The following MAPK10 variants were observed in gnomAD, a reference collection of about 807,000 sequenced individuals.
The protein encoded by MAPK10 is JNK3 alpha protein kinase.
MAPK10 carries 25 observed loss-of-function variants against 59.3 expected under a neutral mutation model. The observed-to-expected ratio is 0.42, with a 90% CI of 0.31 to 0.59. MAPK10 has a LOEUF of 0.59. Ranked by LOEUF, MAPK10 falls within the 20% of genes least tolerant of loss-of-function variation. The pLI is 0.15. For missense variants in MAPK10, 351 were observed against 568.9 expected, an observed-to-expected ratio of 0.62 and a Z score of 3.90; for synonymous variants, 190 against 200.5, an observed-to-expected ratio of 0.95 and a Z score of 0.44.
intron 2 of MAPK10, among the ~76,000 whole-genome samples, chr4:86,339,133 TACA>T (rs1326663828): frequency 2.6e-5 from 4 of 152,106 alleles, no homozygotes; most frequent in East Asian, 3.9e-4. Flanking sequence ...AGGGCTGCAG[TACA>T]ACAAGAGGTC....
intron 11 of MAPK10, chr4:86,044,413 TCTAACATGCAGCAAAGATTAAGAC>T (rs2042140434): frequency 8.9e-6 from 2 of 225,066 alleles, no homozygotes. Context: ...CCCAAATGAT[TCTAACATGCAGCAAAGATTAAGAC>T]CTCTGCTCTA....
At chr4:86,177,637 A>G (rs1329355383) in intron 3 of MAPK10, among the ~76,000 whole-genome samples, 1 of 152,106 alleles carries the variant, frequency 6.6e-6, no homozygotes, top group Non-Finnish European at 1.5e-5. Context: ...TCAACATATC[A>G]TTTAAAATGA....
At chr4:86,590,260 C>T (rs113401335) in intron 1 of MAPK10, among the ~76,000 whole-genome samples, 7,083 of 152,020 alleles carry the variant, frequency 0.047, 221 homozygotes, top group African/African-American at 0.061. Context: ...TTCTCAACAC[C>T]GTAACCTGAA....
chr4:86,314,414 G>A (rs984844651), intron 2 of MAPK10, among the ~76,000 whole-genome samples: 2 of 152,206 alleles, frequency 1.3e-5, no homozygotes, highest in East Asian at 1.9e-4. Flanking sequence ...TAAGTCTCAC[G>A]TGATCTGATG....
intron 1 of MAPK10, among the ~76,000 whole-genome samples, chr4:86,396,724 A>C (rs1742996417): frequency 1.3e-5 from 2 of 152,140 alleles, no homozygotes; most frequent in African/African-American, 4.8e-5. Context: ...TCACATAGCA[A>C]ATGCTGGAGC....
intron 1 of MAPK10, among the ~76,000 whole-genome samples, chr4:86,588,792 G>A (rs1293330257): frequency 1.3e-5 from 2 of 152,234 alleles, no homozygotes; most frequent in South Asian, 2.1e-4. Flanking sequence ...GTAGTAAAAT[G>A]TACAAATTAT....
intron 4 of MAPK10, among the ~76,000 whole-genome samples, chr4:86,141,822 T>C (rs1237695265): frequency 6.6e-6 from 1 of 152,220 alleles, no homozygotes; most frequent in Non-Finnish European, 1.5e-5. Context: ...ATAGAACACC[T>C]GAGACTGGGT....
chr4:86,134,994 G>T (rs752767464), intron 4 of MAPK10, among the ~76,000 whole-genome samples: 4 of 152,156 alleles, frequency 2.6e-5, no homozygotes, highest in Non-Finnish European at 5.9e-5. Flanking sequence ...AAAAAACGGC[G>T]CACCACGAGA....
intron 13 of MAPK10, among the ~76,000 whole-genome samples, chr4:86,019,961 T>A (rs1745524757): frequency 2.0e-5 from 3 of 152,218 alleles, no homozygotes; most frequent in African/African-American, 7.2e-5. Context: ...TCCACATATA[T>A]AATTAAGAAA....
At chr4:86,023,843 AT>A (rs1748721879) in intron 13 of MAPK10, 2 of 135,224 alleles carry the variant, frequency 1.5e-5, no homozygotes, top group East Asian at 2.5e-4. Flanking sequence ...ATATATATAT[AT>A]ATATATAAAA....
chr4:86,089,501 GCTA>G (rs1300848547), intron 9 of MAPK10: 18 of 448,316 alleles, frequency 4.0e-5, no homozygotes, highest in Admixed American at 7.8e-5. Flanking sequence ...ACTACCCAAT[GCTA>G]CCTAATGTAG....
chr4:86,072,330 G>A lies in MAPK10; in HGVS notation c.803-4375C>T, dbSNP rs533776711. ...GGTTTTCTAGATATACAATCATGTC[G>A]TCTCCAAACAGGGACAATTTGACTT... On this transcript the variant is annotated intron_variant, in intron 9 of 13. Transcript: ENST00000641462. 4.9e-4 allele frequency among the ~76,000 whole-genome samples: 74 copies of A among 152,106 alleles called. No individual in the cohort carries two copies. The East Asian group carries it at 6.6e-3, about 14-fold the overall frequency.
chr4:86,561,823 C>T (rs1760703167), intron 1 of MAPK10, among the ~76,000 whole-genome samples: 2 of 152,190 alleles, frequency 1.3e-5, no homozygotes, highest in Admixed American at 1.3e-4. Context: ...AGAAAACAGA[C>T]AATCTAGTTG....
At chr4:86,392,542 T>C (rs936834737) in intron 1 of MAPK10, 1 of 152,106 alleles carries the variant, frequency 6.6e-6, no homozygotes, top group African/African-American at 2.4e-5. Context: ...CAGTACTTTT[T>C]CCCTTTTTAC....
chr4:86,333,026 C>G (rs778153521), intron 2 of MAPK10, among the ~76,000 whole-genome samples: 1 of 152,120 alleles, frequency 6.6e-6, no homozygotes, highest in Non-Finnish European at 1.5e-5. Flanking sequence ...ACACAGGCTG[C>G]CCTCAAACTC....
At chr4:86,202,044 A>T (rs1162618195) in intron 2 of MAPK10, among the ~76,000 whole-genome samples, 1 of 151,974 alleles carries the variant, frequency 6.6e-6, no homozygotes, top group Non-Finnish European at 1.5e-5. Context: ...AGAGGCAATT[A>T]TATTTGAAAG....
intron 1 of MAPK10, among the ~76,000 whole-genome samples, chr4:86,427,053 C>T (rs779423003): frequency 2.6e-5 from 4 of 151,648 alleles, no homozygotes; most frequent in East Asian, 1.9e-4. Context: ...GTCAAGAGAT[C>T]GAGACCATCC....
intron 1 of MAPK10, among the ~76,000 whole-genome samples, chr4:86,525,084 G>T (rs1757379484): frequency 6.6e-6 from 1 of 152,046 alleles, no homozygotes; most frequent in Non-Finnish European, 1.5e-5. Context: ...GATCGCTTGA[G>T]CTCGAGTTCG....
At chr4:86,332,442 T>C (rs556800127) in intron 2 of MAPK10, 2 of 152,088 alleles carry the variant, frequency 1.3e-5, no homozygotes, top group South Asian at 4.2e-4. Context: ...TAACATTCAA[T>C]GTAAAAGTGT....
Sources: gnomAD v4.1 joint callset for allele counts (sites outside exome capture counted in the v4.1 genomes callset) on GRCh38, gnomAD v4.1.1 for gene constraint, MANE v1.5 for transcripts, NCBI Gene and HGNC (gene_info 2026-07-23, HGNC 2026-07-21) for gene names.